Variants in ERBB4 observed in about 807,000 individuals in gnomAD.
ERBB4 encodes erb-b2 receptor tyrosine kinase 4.
ERBB4 carries 42 observed loss-of-function variants against 158.0 expected under a neutral mutation model. The ratio of observed to expected loss-of-function variants is 0.27; its 90% CI spans 0.21 to 0.34. The LOEUF (loss-of-function observed/expected upper bound fraction) is 0.34, where lower values mean the gene tolerates loss of function less well. ERBB4 is among the 10% of genes least tolerant of loss of function. ERBB4 has a pLI of 1.00. For synonymous variants in ERBB4, 583 were observed against 558.7 expected, an observed-to-expected ratio of 1.04 and a Z score of -0.61; for missense variants, 1,333 against 1,624.1, an observed-to-expected ratio of 0.82 and a Z score of 3.08.
intron 1 of ERBB4, among the ~76,000 whole-genome samples, chr2:212,341,544 T>C (rs571701356): frequency 6.6e-6 from 1 of 152,292 alleles, no homozygotes; most frequent in South Asian, 2.1e-4. Flanking sequence ...CTGATTATAA[T>C]AGTTGTTGAT....
At chr2:212,139,244 T>C (rs2080366107) in intron 1 of ERBB4, among the ~76,000 whole-genome samples, 1 of 151,998 alleles carries the variant, frequency 6.6e-6, no homozygotes, top group African/African-American at 2.4e-5. Context: ...GTATTAGAGA[T>C]GAACTCAGAA....
chr2:212,390,182 A>G (rs1198879707), intron 1 of ERBB4, among the ~76,000 whole-genome samples: 2 of 151,914 alleles, frequency 1.3e-5, no homozygotes, highest in African/African-American at 4.8e-5. Flanking sequence ...CATTTAAAAC[A>G]TATCTAAAAT....
intron 3 of ERBB4, among the ~76,000 whole-genome samples, chr2:211,788,471 A>C (rs1409692226): frequency 6.6e-6 from 1 of 152,142 alleles, no homozygotes; most frequent in Non-Finnish European, 1.5e-5. Flanking sequence ...ATAATATTTT[A>C]TATAATATTT....
At chr2:211,475,010 T>A (rs900572672) in intron 20 of ERBB4, among the ~76,000 whole-genome samples, 1 of 151,916 alleles carries the variant, frequency 6.6e-6, no homozygotes, top group Non-Finnish European at 1.5e-5. Flanking sequence ...AACAGTATGG[T>A]GAGGAAAATT....
intron 1 of ERBB4, among the ~76,000 whole-genome samples, chr2:212,320,173 A>G (rs1018502590): frequency 1.0e-4 from 15 of 148,244 alleles, no homozygotes; most frequent in African/African-American, 3.8e-4. Flanking sequence ...TGACTGGGTA[A>G]ATCTACCAGG....
At chr2:212,524,650 G>A (rs1692348635) in intron 1 of ERBB4, among the ~76,000 whole-genome samples, 1 of 151,768 alleles carries the variant, frequency 6.6e-6, no homozygotes, top group Admixed American at 6.6e-5. Context: ...AATTCAATAT[G>A]TGGGCAGTGG....
intron 2 of ERBB4, among the ~76,000 whole-genome samples, chr2:211,967,355 G>A (rs543329551): frequency 6.6e-5 from 10 of 152,180 alleles, no homozygotes; most frequent in Middle Eastern, 3.4e-3. Flanking sequence ...GATAGAAAAT[G>A]TTATGTAAAT....
At chr2:212,377,540 A>C (rs1400272577) in intron 1 of ERBB4, among the ~76,000 whole-genome samples, 3 of 151,840 alleles carry the variant, frequency 2.0e-5, no homozygotes, top group Non-Finnish European at 1.5e-5. Flanking sequence ...TTAAACATAG[A>C]AAAAGTACAA....
At chr2:212,324,191 A>G (rs2087709128) in intron 1 of ERBB4, among the ~76,000 whole-genome samples, 1 of 150,670 alleles carries the variant, frequency 6.6e-6, no homozygotes, top group Non-Finnish European at 1.5e-5. Context: ...AGGTAAAGCC[A>G]AAAGTGTTAA....
At chr2:211,536,622 C>G (rs1414533255) in intron 20 of ERBB4, among the ~76,000 whole-genome samples, 1 of 151,878 alleles carries the variant, frequency 6.6e-6, no homozygotes, top group Non-Finnish European at 1.5e-5. Context: ...TATATAGAAC[C>G]AAAGAAGATG....
At chr2:211,898,660 T>C (rs536482588) in intron 3 of ERBB4, among the ~76,000 whole-genome samples, 1 of 152,312 alleles carries the variant, frequency 6.6e-6, no homozygotes, top group South Asian at 2.1e-4. Flanking sequence ...GACTCTTTTG[T>C]AATTCTAAGA....
At chr2:211,705,263 A>AT (rs2073395345) in intron 10 of ERBB4, 55 bp downstream of exon 10, 2 of 1,289,794 alleles carry the variant, frequency 1.6e-6, no homozygotes, top group Non-Finnish European at 2.3e-6. Context: ...ATCTTGTGTA[A>AT]TTTTTAAAAA....
At chr2:212,409,031 C>A (rs939140545) in intron 1 of ERBB4, among the ~76,000 whole-genome samples, 1 of 152,152 alleles carries the variant, frequency 6.6e-6, no homozygotes, top group African/African-American at 2.4e-5. Flanking sequence ...CAAATCATTT[C>A]TTTACTAAAT....
chr2:211,728,746 A>T (rs2074348208), intron 5 of ERBB4, among the ~76,000 whole-genome samples: 1 of 151,892 alleles, frequency 6.6e-6, no homozygotes, highest in South Asian at 2.1e-4. Flanking sequence ...TATAAGTCAC[A>T]TCATATTTTA....
intron 2 of ERBB4, among the ~76,000 whole-genome samples, chr2:212,001,602 T>A (rs1474563281): frequency 6.6e-6 from 1 of 152,232 alleles, no homozygotes; most frequent in African/African-American, 2.4e-5. Context: ...CACAGTTAGA[T>A]GTGCTGTGTA....
intron 20 of ERBB4, among the ~76,000 whole-genome samples, chr2:211,509,832 A>G (rs1440372409): frequency 6.6e-6 from 1 of 152,152 alleles, no homozygotes; most frequent in Non-Finnish European, 1.5e-5. Context: ...GCCAGCAAAC[A>G]CATGAAAAAA....
chr2:212,149,054 T>C (rs1286443652), intron 1 of ERBB4, among the ~76,000 whole-genome samples: 1 of 140,908 alleles, frequency 7.1e-6, no homozygotes, highest in African/African-American at 2.6e-5. Flanking sequence ...TTGGGAGATA[T>C]ACCTAATGCT....
chr2:211,781,190 T>C (rs1396924348), intron 4 of ERBB4, among the ~76,000 whole-genome samples: 2 of 152,192 alleles, frequency 1.3e-5, no homozygotes, highest in Non-Finnish European at 2.9e-5. Flanking sequence ...TCTCGAGAAT[T>C]CTATTTCAAG....
intron 1 of ERBB4, among the ~76,000 whole-genome samples, chr2:212,514,741 G>A (rs1193546798): frequency 2.6e-5 from 4 of 152,150 alleles, no homozygotes; most frequent in Non-Finnish European, 5.9e-5. Context: ...GGAGGCAGAG[G>A]TTGCAGTGAG....
Sources: allele counts gnomAD v4.1 joint callset (sites outside exome capture counted in the v4.1 genomes callset), GRCh38; gene constraint gnomAD v4.1.1; transcripts MANE v1.5; gene names NCBI Gene and HGNC (gene_info 2026-07-23, HGNC 2026-07-21).